Variants in WDR24 observed in about 807,000 individuals in gnomAD.
WDR24 encodes the protein WD repeat domain 24.
A neutral mutation model predicts 66.7 loss-of-function variants in WDR24; 32 were observed. The ratio of observed to expected loss-of-function variants is 0.48; its 90% confidence interval spans 0.36 to 0.64. WDR24 has a LOEUF of 0.64. WDR24 is among the 30% of genes least tolerant of loss of function. The pLI, the probability that WDR24 is intolerant of heterozygous loss-of-function variation, is 0.00. For missense variants in WDR24, 978 were observed against 1,144.1 expected (o/e 0.85, Z 2.09); for synonymous variants, 565 against 469.1 (o/e 1.20, Z -2.64).
chr16:687,417 CT>C lies in WDR24; in HGVS notation c.660-2del. ...GCGCCCTCCAGTGGCCAACCAGCCC[CT>C]GTGGGAAGAAGGTCCACCCAAACCC... is the stretch of plus-strand genomic sequence containing the variant. On this transcript the variant is annotated splice_acceptor_variant, in intron 2 of 8. Coordinates refer to ENST00000293883, the MANE Select transcript of WDR24 (RefSeq NM_032259.4). LOFTEE classifies it high-confidence loss of function. 1.3e-6 allele frequency: 2 copies of C among 1,583,978 alleles called. No individual in the cohort carries two copies. Among genetic ancestry groups the C allele is most frequent in the Non-Finnish European group, 1.7e-6 (2 of 1,165,046 alleles).
rs2039887480 is a variant in WDR24 at position 685,567 on chromosome 16, T to G, written c.1709A>C (p.Glu570Ala). The G allele has an allele frequency of 1.3e-6, 2 of 1,589,130 alleles. No homozygotes were observed. Among genetic ancestry groups the G allele is most frequent in the Non-Finnish European group, 1.7e-6 (2 of 1,166,542 alleles). ...GATCTCGTGGCGCAGCGGAAAGGCCTCCTGCGGCAGCACGCACTCAGGGTC... is the reference window on the plus strand; with the variant it reads ...GATCTCGTGGCGCAGCGGAAAGGCCGCCTGCGGCAGCACGCACTCAGGGTC... The part of the protein sequence containing the change: ...PEDPECVLPQ[E>A]AFPLRHEIVD... Residue 570 changes from glutamate (E) to alanine (A), a missense_variant, in exon 7 of 9, where the codon GAG (glutamate) becomes GCG (alanine). Glu to Ala is a moderately radical substitution (Grantham distance 107, BLOSUM62 -1). Coordinates refer to ENST00000293883, the MANE Select transcript of WDR24 (RefSeq NM_032259.4).
In WDR24 at chr16:686,817, G is replaced by A. The variant is rs374231595; in HGVS notation, c.1259C>T (p.Ala420Val). 164 of 1,612,142 alleles carry A rather than the reference G, an allele frequency of 1.0e-4. No homozygotes were observed. Among genetic ancestry groups the A allele is most frequent in the Middle Eastern group, 3.3e-4 (2 of 6,078 alleles). ...CTCGGCCAGTGGCCGGCCAGCCAGCGCATAACGCTCAGCTGTGTCCACAAA... is the reference window on the plus strand; with the variant it reads ...CTCGGCCAGTGGCCGGCCAGCCAGCACATAACGCTCAGCTGTGTCCACAAA... The part of the protein sequence containing the change: ...RWFVDTAERY[A>V]LAGRPLAELC... Residue 420 changes from alanine to valine, a missense_variant, in exon 3 of 9, where the codon GCG becomes GTG. Ala to Val is a moderately conservative substitution (Grantham distance 64). Around this residue, in one of 2 missense-constraint regions of WDR24, gnomAD observed 676 missense variants for 617.5 expected, o/e 1.09. Coordinates refer to ENST00000293883, the MANE Select transcript of WDR24 (RefSeq NM_032259.4).
At chr16:689,035 CCT>C (rs1447351490) in intron 1 of WDR24, 123 bp downstream of exon 1, 11 of 1,464,062 alleles carry the variant, frequency 7.5e-6, no homozygotes, top group Non-Finnish European at 1.0e-5. Flanking sequence ...TCCCTTTCCC[CCT>C]GAGGAAGCCC....
chr16:687,071 G>A lies in WDR24; in HGVS notation c.1005C>T (p.Val335=), dbSNP rs141381733. Reference sequence around the variant, plus strand: ...AGAGGCCCTCAGGGTTGGCGCGCTCGACGGGCTGGCTGGCGTCGCGGAACA... The same window carrying A: ...AGAGGCCCTCAGGGTTGGCGCGCTCAACGGGCTGGCTGGCGTCGCGGAACA... ...QHLFRDASQP[V]ERANPEGLCY... Residue 335 remains valine, a synonymous_variant, in exon 3 of 9, where the codon GTC becomes GTT. Coordinates refer to ENST00000293883, the MANE Select transcript of WDR24 (RefSeq NM_032259.4). 1.9e-4 allele frequency: 301 copies of A among 1,606,670 alleles called. No homozygotes were observed. The highest frequency in any genetic ancestry group is 2.3e-4 in the Non-Finnish European group (270 of 1,179,216).
chr16:684,771 C>T lies in WDR24; in HGVS notation c.2336G>A (p.Cys779Tyr). The change falls in exon 9 of 9, where the codon TGT becomes TAT. Residue 779 changes from cysteine to tyrosine, a missense_variant. By Grantham distance (194) the Cys-to-Tyr change is radical (BLOSUM62 -2). This residue lies in a region of WDR24 where 676 missense variants were observed against 617.5 expected (regional missense o/e 1.09). Coordinates refer to ENST00000293883, the MANE Select transcript of WDR24 (RefSeq NM_032259.4). ...GCAGAGGTGGCCGCAGCCTGCGGGA[C>T]AGTGGGAGCTGCCTTCCAGCCACTT... ...IMKWLEGSSH[C>Y]PAGCGHLCEY... The T allele has an allele frequency of 1.2e-6, 2 of 1,600,386 alleles. No homozygotes were observed. Among genetic ancestry groups the T allele is most frequent in the Non-Finnish European group, 1.7e-6 (2 of 1,175,148 alleles).
intron 3 of WDR24, 45 bp from the exon 4 acceptor site, chr16:686,231 C>T (rs776067854): frequency 1.3e-6 from 2 of 1,590,280 alleles, no homozygotes. Context: ...GGACACCCAG[C>T]ACCCCATGCA....
chr16:687,892 G>C (rs887925830), intron 1 of WDR24, 153 bp from the exon 2 acceptor site: 1 of 1,038,424 alleles, frequency 9.6e-7, no homozygotes, highest in Non-Finnish European at 1.4e-6. Flanking sequence ...GCCCAAGGAA[G>C]CAGCCACACA....
chr16:685,709 G>A lies in WDR24; in HGVS notation c.1648C>T (p.Leu550=). 1 of 1,613,210 alleles carries A rather than the reference G, an allele frequency of 6.2e-7. No individual in the cohort carries two copies. Among genetic ancestry groups the A allele is most frequent in the Non-Finnish European group, 8.5e-7 (1 of 1,180,010 alleles). The part of the protein sequence containing the change: ...LGDVEGEEDE[L]YLLDPEHAHP... ...GCGTGTTCCGGATCCAGCAGGTACA[G>A]CTCGTCCTCCTCACCTTCCACGTCA... Residue 550 remains leucine, a synonymous_variant, in exon 6 of 9, where the codon CTG becomes TTG. Coordinates refer to ENST00000293883, the MANE Select transcript of WDR24 (RefSeq NM_032259.4).
chr16:685,040 C>T lies in WDR24; in HGVS notation c.2156G>A (p.Cys719Tyr). ...NQASTTLHVNCSHCKRPMSSR... is the reference protein window; with the variant it reads ...NQASTTLHVNYSHCKRPMSSR... ...GCTCATGGGCCGCTTGCAGTGGCTGCAGTTGACGTGCAGGGTGGTGGAGGC... is the reference window on the plus strand; with the variant it reads ...GCTCATGGGCCGCTTGCAGTGGCTGTAGTTGACGTGCAGGGTGGTGGAGGC... The change falls in exon 8 of 9, where the codon TGC becomes TAC. Residue 719 changes from cysteine to tyrosine, a missense_variant. Cys to Tyr is a radical substitution (Grantham distance 194, BLOSUM62 -2). Coordinates refer to ENST00000293883, the MANE Select transcript of WDR24 (RefSeq NM_032259.4). 1 of 1,557,794 alleles carries T rather than the reference C, an allele frequency of 6.4e-7. No homozygotes were observed.
In WDR24 at chr16:689,673, GGTCA is replaced by G. The variant is rs549828123; in HGVS notation, c.-37_-34del. 3.4e-5 allele frequency: 54 copies of G among 1,602,908 alleles called. No individual in the cohort carries two copies. The South Asian group carries it at 5.3e-4, about 16-fold the overall frequency. ...CAGGTGATGAGGTCAGGGGTCAGGA[GGTCA>G]GTGAGGTGGGCTGGCCTGGTCAGCC... On this transcript the variant is annotated 5_prime_UTR_variant, in exon 1 of 9. Coordinates refer to ENST00000293883, the MANE Select transcript of WDR24 (RefSeq NM_032259.4).
At chr16:687,908 G>T in intron 1 of WDR24, 169 bp from the exon 2 acceptor site, 5 of 861,750 alleles carry the variant, frequency 5.8e-6, no homozygotes, top group Non-Finnish European at 9.4e-6. Flanking sequence ...ACACAGAGTC[G>T]CCACAAGAGC....
At chr16:688,845 A>G (rs2039937831) in intron 1 of WDR24, among the ~76,000 whole-genome samples, 1 of 152,184 alleles carries the variant, frequency 6.6e-6, no homozygotes, top group South Asian at 2.1e-4. Context: ...GACATGAGGG[A>G]AGGGAGTCAG....
Position 690,369 on chromosome 16 carries a change from C to T in WDR24, c.-729G>A. On this transcript the variant is annotated 5_prime_UTR_variant, in exon 1 of 9. In the 5' UTR this introduces an upstream ATG that the reference lacks. Transcript: ENST00000293883. ...ACCCCAATCTTTTACTAAAAGCGCA[C>T]GGTTGTCCGGAACCGCCGCGCCGGA... 2 of 456,686 alleles carry T rather than the reference C, an allele frequency of 4.4e-6. No homozygotes were observed. The highest frequency in any genetic ancestry group is 3.1e-5 in the South Asian group (2 of 64,572). 28.3% of individuals were successfully genotyped at this position (456,686 alleles called of 1,614,324 possible).
Position 687,678 on chromosome 16 carries a change from G to A in WDR24, c.543C>T (p.Ser181=). 6.2e-7 allele frequency: 1 copy of A among 1,613,674 alleles called. No individual in the cohort carries two copies. Residue 181 remains serine (S), a synonymous_variant, in exon 2 of 9, where the codon TCC becomes TCT. Coordinates refer to ENST00000293883, the MANE Select transcript of WDR24 (RefSeq NM_032259.4). ...FSIRDYFTFA[S]TFENGNVQLW... ...GCTGCACATTGCCGTTCTCAAAGGT[G>A]GAGGCGAAGGTGAAGTAGTCCCGGA...
Position 687,627 on chromosome 16 carries a change from C to T in WDR24, c.594G>A (p.Arg198=), listed in dbSNP as rs763218597. ...TGTGGGCTGTGAACATCCTCTCGCA[C>T]CGGTCGGGACGCCGGATGTCCCAGA... The part of the protein sequence containing the change: ...VQLWDIRRPD[R]CERMFTAHNG... The change falls in exon 2 of 9, where the codon CGG becomes CGA. Residue 198 remains arginine, a synonymous_variant. Transcript: ENST00000293883. 3.7e-6 allele frequency: 6 copies of T among 1,613,536 alleles called. No individual in the cohort carries two copies. The highest frequency in any genetic ancestry group is 5.1e-6 in the Non-Finnish European group (6 of 1,180,020).
chr16:686,746 G>C lies in WDR24; in HGVS notation c.1330C>G (p.Gln444Glu). 1 of 1,593,134 alleles carries C rather than the reference G, an allele frequency of 6.3e-7. No homozygotes were observed. Among genetic ancestry groups the C allele is most frequent in the Non-Finnish European group, 8.6e-7 (1 of 1,166,490 alleles). ...AKVARELGRN[Q>E]VAQTWTMLRI... ...CCCCAGGCTCAGCACCTACCTACCT[G>C]GTTGCGGCCAAGCTCTCGAGCCACC... The change falls in exon 3 of 9, where the codon CAG becomes GAG. Residue 444 changes from glutamine to glutamate, a missense_variant and splice_region_variant. Gln to Glu is a conservative substitution (Grantham distance 29). This residue lies in a region of WDR24 where 676 missense variants were observed against 617.5 expected (regional missense o/e 1.09). Coordinates refer to ENST00000293883, the MANE Select transcript of WDR24 (RefSeq NM_032259.4).
At chr16:684,964 G>A (rs554901459) in intron 8 of WDR24, 28 bp downstream of exon 8, 1 of 1,538,028 alleles carries the variant, frequency 6.5e-7, no homozygotes, top group South Asian at 1.2e-5. Flanking sequence ...GCAGGCCCCT[G>A]CCCCACCTCC....
chr16:688,527 C>T (rs574959957), intron 1 of WDR24, among the ~76,000 whole-genome samples: 3 of 152,344 alleles, frequency 2.0e-5, no homozygotes, highest in East Asian at 1.9e-4. Context: ...CTCCTGACCT[C>T]GTGATCGGCC....
intron 1 of WDR24, chr16:688,880 T>G: frequency 4.3e-6 from 2 of 460,882 alleles, no homozygotes; most frequent in Non-Finnish European, 7.8e-6. Flanking sequence ...CCACCCAGGC[T>G]GGCTGGGAGA....
Sources: gnomAD v4.1 joint callset for allele counts (sites outside exome capture counted in the v4.1 genomes callset) on GRCh38, gnomAD v4.1.1 for gene constraint, gnomAD v4.1.1 regional missense constraint, MANE v1.5 for transcripts, NCBI Gene and HGNC (gene_info 2026-07-23, HGNC 2026-07-21) for gene names.